ROBO1: variants seen among roughly 807,000 people sequenced by gnomAD.
ROBO1 encodes roundabout guidance receptor 1.
A neutral mutation model predicts 195.9 loss-of-function variants in ROBO1; 149 were observed. That is an observed-to-expected ratio of 0.76 (90% CI 0.67 to 0.87). The LOEUF (loss-of-function observed/expected upper bound fraction) is 0.87. Among genes scored for constraint, ROBO1 ranks in the 40% least tolerant of loss-of-function variants. The probability of loss-of-function intolerance (pLI) is 0.00; values close to 1 mark genes in which losing one functional copy is unlikely to be tolerated. For missense variants in ROBO1, 1,933 were observed against 2,068.3 expected (o/e 0.93, Z 1.27); for synonymous variants, 816 against 733.2 (o/e 1.11, Z -1.82).
At chr3:79,182,952 G>A (rs1373623348) in intron 2 of ROBO1, among the ~76,000 whole-genome samples, 1 of 151,496 alleles carries the variant, frequency 6.6e-6, no homozygotes, top group African/African-American at 2.4e-5. Flanking sequence ...GTGGTGGCAC[G>A]TGCCTGTAGT....
At chr3:79,370,259 G>A (rs2036142774) in intron 2 of ROBO1, among the ~76,000 whole-genome samples, 1 of 151,854 alleles carries the variant, frequency 6.6e-6, no homozygotes, top group Non-Finnish European at 1.5e-5. Context: ...TAGGGAGGCT[G>A]AGGTGGGAGA....
intron 4 of ROBO1, among the ~76,000 whole-genome samples, chr3:78,865,631 C>G (rs781096316): frequency 6.6e-6 from 1 of 151,914 alleles, no homozygotes; most frequent in Non-Finnish European, 1.5e-5. Context: ...GCCACCACAC[C>G]CAGCTAATTT....
chr3:78,646,203 G>C lies in ROBO1; in HGVS notation c.2840-13C>G. On this transcript the variant is annotated splice_polypyrimidine_tract_variant and intron_variant, in intron 20 of 30. Coordinates refer to ENST00000464233, the MANE Select transcript of ROBO1 (RefSeq NM_002941.4). ...CTCTGGTAAGTTACTAGAATGTTAC[G>C]AAAAAAAAAAGGAACAATTAATAGA... is the stretch of plus-strand genomic sequence containing the variant. 7.2e-7 allele frequency: 1 copy of C among 1,388,788 alleles called. No individual in the cohort carries two copies. Among genetic ancestry groups the C allele is most frequent in the Non-Finnish European group, 9.7e-7 (1 of 1,028,944 alleles). 86.0% of individuals were successfully genotyped at this position (1,388,788 alleles called of 1,614,324 possible). A position where few individuals can be genotyped will look rare whatever the true frequency, so the allele number is the denominator to read the frequency against.
At chr3:79,133,437 T>C (rs1349574567) in intron 2 of ROBO1, among the ~76,000 whole-genome samples, 4 of 126,322 alleles carry the variant, frequency 3.2e-5, no homozygotes, top group Non-Finnish European at 4.9e-5. Flanking sequence ...ATTCATTTCA[T>C]CTTCCATTGC....
At chr3:78,747,944 T>C (rs1278503296) in intron 4 of ROBO1, among the ~76,000 whole-genome samples, 1 of 152,180 alleles carries the variant, frequency 6.6e-6, no homozygotes, top group Non-Finnish European at 1.5e-5. Context: ...TTAATACTTT[T>C]GCTTCCCTTT....
chr3:79,611,258 T>A lies in ROBO1; in HGVS notation c.-50-21297A>T, dbSNP rs556804733. Among the ~76,000 whole-genome samples, 3 of 152,172 alleles carry A rather than the reference T, an allele frequency of 2.0e-5. No homozygotes were observed. In the East Asian group the frequency reaches 5.8e-4, roughly 30 times the overall value. On this transcript the variant is annotated intron_variant, in intron 1 of 30. Transcript: ENST00000464233. ...TAAAGTATATTTATGATAATATCATTTGAATATGTACAAATAGCATACAAA... is the reference window on the plus strand; with the variant it reads ...TAAAGTATATTTATGATAATATCATATGAATATGTACAAATAGCATACAAA...
chr3:78,646,608 G>GAA (rs35671439), intron 20 of ROBO1, among the ~76,000 whole-genome samples: 234 of 145,934 alleles, frequency 1.6e-3, no homozygotes, highest in East Asian at 2.2e-3. Flanking sequence ...TTAAACTCAG[G>GAA]AAAAAAAAAA....
Position 79,312,118 on chromosome 3 carries a change from T to A in ROBO1, c.89-186579A>T, listed in dbSNP as rs371618443. 3.9e-4 allele frequency among the ~76,000 whole-genome samples: 59 copies of A among 152,352 alleles called. No homozygotes were observed. In the South Asian group the frequency reaches 0.01, roughly 27 times the overall value. On this transcript the variant is annotated intron_variant, in intron 2 of 30. Coordinates refer to ENST00000464233, the MANE Select transcript of ROBO1 (RefSeq NM_002941.4). ...TGTTACCAGTATGTTCTGTAAACTT[T>A]ATTTACAAAATATTTCTCAAATCCA...
chr3:79,321,815 G>A (rs879044379), intron 2 of ROBO1, among the ~76,000 whole-genome samples: 9 of 152,276 alleles, frequency 5.9e-5, no homozygotes, highest in East Asian at 5.8e-4. Flanking sequence ...GTCCATGTCC[G>A]TAAATATACC....
intron 2 of ROBO1, among the ~76,000 whole-genome samples, chr3:79,372,018 A>G (rs921359209): frequency 3.3e-5 from 5 of 152,060 alleles, no homozygotes; most frequent in Admixed American, 1.3e-4. Context: ...TGCAGTTCAC[A>G]ATAGGGTTTG....
chr3:79,171,398 A>T (rs1250293669), intron 2 of ROBO1, among the ~76,000 whole-genome samples: 2 of 145,798 alleles, frequency 1.4e-5, no homozygotes, highest in Non-Finnish European at 3.0e-5. Flanking sequence ...GCAAGTATAT[A>T]TGCCATGAAA....
intron 10 of ROBO1, among the ~76,000 whole-genome samples, chr3:78,671,418 G>A (rs1001812815): frequency 3.9e-5 from 6 of 151,958 alleles, no homozygotes; most frequent in Admixed American, 1.3e-4. Context: ...AAGATTCTAA[G>A]TTGCCTGGTT....
At chr3:79,757,637 C>G (rs1170808884) in intron 1 of ROBO1, among the ~76,000 whole-genome samples, 1 of 151,958 alleles carries the variant, frequency 6.6e-6, no homozygotes, top group Non-Finnish European at 1.5e-5. Flanking sequence ...TATGATTGTG[C>G]TACTGCATTT....
At chr3:79,357,414 G>A (rs1289446408) in intron 2 of ROBO1, among the ~76,000 whole-genome samples, 1 of 152,084 alleles carries the variant, frequency 6.6e-6, no homozygotes, top group African/African-American at 2.4e-5. Context: ...AATGCCTCAG[G>A]TAGTCAGCTA....
chr3:79,294,602 A>T lies in ROBO1; in HGVS notation c.89-169063T>A, dbSNP rs184970606. On this transcript the variant is annotated intron_variant, in intron 2 of 30. Transcript: ENST00000464233. The stretch of plus-strand genomic sequence containing the variant: ...ACAAAAGCCAAAATTGACAAATGGG[A>T]TCTAATTAAACTGAAGAGCCTCTGC... 3.0e-3 allele frequency among the ~76,000 whole-genome samples: 451 copies of T among 152,266 alleles called. 1 individual carries two copies. Among genetic ancestry groups the T allele is most frequent in the African/African-American group, 0.01 (432 of 41,562 alleles).
chr3:79,151,389 T>C (rs182397593), intron 2 of ROBO1, among the ~76,000 whole-genome samples: 64 of 151,906 alleles, frequency 4.2e-4, no homozygotes, highest in African/African-American at 1.4e-3. Context: ...TCACACATCA[T>C]TTCAATCACC....
chr3:79,547,735 T>C (rs1332033727), intron 2 of ROBO1, among the ~76,000 whole-genome samples: 1 of 152,160 alleles, frequency 6.6e-6, no homozygotes, highest in Non-Finnish European at 1.5e-5. Flanking sequence ...AACATTAACA[T>C]TTCTAGAAAA....
intron 3 of ROBO1, among the ~76,000 whole-genome samples, chr3:78,961,149 C>T (rs2041325017): frequency 6.6e-6 from 1 of 152,128 alleles, no homozygotes; most frequent in Admixed American, 6.6e-5. Flanking sequence ...AATACTTCTG[C>T]AACCTTTGAA....
At chr3:79,652,926 A>C (rs183337841) in intron 1 of ROBO1, among the ~76,000 whole-genome samples, 6 of 152,102 alleles carry the variant, frequency 3.9e-5, no homozygotes, top group Admixed American at 3.3e-4. Context: ...CTACTTAAAG[A>C]AAAGAATAAA....
Sources: gnomAD v4.1 joint callset for allele counts (sites outside exome capture counted in the v4.1 genomes callset) on GRCh38, gnomAD v4.1.1 for gene constraint, MANE v1.5 for transcripts, NCBI Gene and HGNC (gene_info 2026-07-23, HGNC 2026-07-21) for gene names.